CBFA2T2: variants seen among roughly 807,000 people sequenced by gnomAD.
The protein encoded by CBFA2T2 is protein CBFA2T2.
In CBFA2T2, 11 loss-of-function variants were observed where a neutral mutation model predicts 62.2. The ratio of observed to expected loss-of-function variants is 0.18; its 90% CI spans 0.11 to 0.29. CBFA2T2 has a LOEUF of 0.29. CBFA2T2 is among the 10% of genes least tolerant of loss of function. The probability of loss-of-function intolerance (pLI) is 1.00; values close to 1 mark genes in which losing one functional copy is unlikely to be tolerated. For synonymous variants in CBFA2T2, 295 were observed against 287.5 expected (o/e 1.03, Z -0.27); for missense variants, 592 against 774.1 (o/e 0.76, Z 2.79).
intron 1 of CBFA2T2, among the ~76,000 whole-genome samples, chr20:33,497,600 A>G (rs984021763): frequency 5.6e-5 from 8 of 141,786 alleles, no homozygotes; most frequent in African/African-American, 2.1e-4. Context: ...GCTAGGCTAC[A>G]GTGCGGTAGT....
At chr20:33,562,746 T>C in intron 1 of CBFA2T2, 1 of 854,030 alleles carries the variant, frequency 1.2e-6, no homozygotes, top group Non-Finnish European at 1.4e-6. Flanking sequence ...TTTTACTTCT[T>C]TCAAATTACG....
intron 1 of CBFA2T2, among the ~76,000 whole-genome samples, chr20:33,594,705 G>T (rs1410732738): frequency 6.6e-6 from 1 of 152,194 alleles, no homozygotes; most frequent in Non-Finnish European, 1.5e-5. Context: ...TGGCCAAGAA[G>T]ACTAAAGTTA....
At chr20:33,542,797 G>T (rs1420202190) in intron 1 of CBFA2T2, among the ~76,000 whole-genome samples, 1 of 151,848 alleles carries the variant, frequency 6.6e-6, no homozygotes, top group African/African-American at 2.4e-5. Flanking sequence ...TCAACCTCCC[G>T]GGAAGCTGGG....
chr20:33,634,940 T>G (rs2016585032), intron 8 of CBFA2T2, among the ~76,000 whole-genome samples: 1 of 152,160 alleles, frequency 6.6e-6, no homozygotes, highest in Admixed American at 6.5e-5. Context: ...CTACCAATAA[T>G]GTAGCATTGT....
At chr20:33,504,187 C>T (rs946946959) in intron 1 of CBFA2T2, among the ~76,000 whole-genome samples, 5 of 152,022 alleles carry the variant, frequency 3.3e-5, no homozygotes, top group African/African-American at 9.7e-5. Flanking sequence ...GATTCATCCA[C>T]GTTGTGTCAT....
At chr20:33,626,182 A>G (rs867745444) in intron 6 of CBFA2T2, among the ~76,000 whole-genome samples, 3 of 152,214 alleles carry the variant, frequency 2.0e-5, no homozygotes, top group Non-Finnish European at 4.4e-5. Context: ...CAAGACTGCA[A>G]TGAGCCATGA....
At chr20:33,643,235 C>T (rs1207999572) in intron 10 of CBFA2T2, among the ~76,000 whole-genome samples, 1 of 152,160 alleles carries the variant, frequency 6.6e-6, no homozygotes, top group Non-Finnish European at 1.5e-5. Context: ...AGGAGTCAGT[C>T]TCCATCTCTG....
intron 8 of CBFA2T2, among the ~76,000 whole-genome samples, chr20:33,634,157 C>T (rs1054085038): frequency 6.6e-6 from 1 of 152,064 alleles, no homozygotes; most frequent in African/African-American, 2.4e-5. Context: ...TTAGTAAAGA[C>T]GGGGTTTCAC....
intron 1 of CBFA2T2, among the ~76,000 whole-genome samples, chr20:33,492,728 C>T (rs531779366): frequency 6.6e-6 from 1 of 152,116 alleles, no homozygotes; most frequent in East Asian, 1.9e-4. Flanking sequence ...CCATGCTAGT[C>T]CGGAAGTCCT....
intron 1 of CBFA2T2, among the ~76,000 whole-genome samples, chr20:33,523,931 G>C (rs536954311): frequency 6.6e-6 from 1 of 152,042 alleles, no homozygotes; most frequent in Non-Finnish European, 1.5e-5. Context: ...TGATCCGCCC[G>C]CCTCGGCCTC....
intron 1 of CBFA2T2, among the ~76,000 whole-genome samples, chr20:33,560,487 G>A (rs2013044209): frequency 1.3e-5 from 2 of 152,124 alleles, no homozygotes; most frequent in African/African-American, 2.4e-5. Flanking sequence ...AGCAATGCAG[G>A]GAACTAGAAT....
intron 1 of CBFA2T2, among the ~76,000 whole-genome samples, chr20:33,548,104 G>A (rs1161128310): frequency 6.6e-6 from 1 of 151,690 alleles, no homozygotes; most frequent in African/African-American, 2.4e-5. Flanking sequence ...AATAATTCCA[G>A]TATATAAAGT....
chr20:33,639,969 C>T (rs888726524), intron 9 of CBFA2T2, among the ~76,000 whole-genome samples: 1 of 152,226 alleles, frequency 6.6e-6, no homozygotes, highest in Non-Finnish European at 1.5e-5. Flanking sequence ...TCTACCATCT[C>T]AAGCAAAACA....
At chr20:33,507,493 G>T (rs549796377) in intron 1 of CBFA2T2, among the ~76,000 whole-genome samples, 4 of 152,172 alleles carry the variant, frequency 2.6e-5, no homozygotes, top group African/African-American at 9.7e-5. Flanking sequence ...GACTGGCTAT[G>T]TATTTAGCTA....
At chr20:33,519,497 G>C (rs528765389) in intron 1 of CBFA2T2, among the ~76,000 whole-genome samples, 1 of 152,216 alleles carries the variant, frequency 6.6e-6, no homozygotes, top group Admixed American at 6.5e-5. Flanking sequence ...TTTAAATAAA[G>C]AGTATTAGAG....
chr20:33,490,307 TG>T lies in CBFA2T2; in HGVS notation c.34+10del. On this transcript the variant is annotated splice_region_variant and intron_variant, in intron 1 of 10. Transcript: ENST00000342704. ...TGGAGCGGCCGCCTTCCAGCGTAAGTGGGGCGTGAATGCGGGCGGCCGAGGG... is the reference window on the plus strand; with the variant it reads ...TGGAGCGGCCGCCTTCCAGCGTAAGTGGGCGTGAATGCGGGCGGCCGAGGG... 7.8e-7 allele frequency: 1 copy of T among 1,282,248 alleles called. No individual in the cohort carries two copies. The highest frequency in any genetic ancestry group is 3.6e-5 in the Admixed American group (1 of 28,116). The allele number at this position is 1,282,248 out of a possible 1,614,324, so 79.4% of individuals were successfully genotyped here.
In CBFA2T2 at chr20:33,511,499, CT is replaced by C. The variant is rs200418074; in HGVS notation, c.34+21199del. Among the ~76,000 whole-genome samples the C allele has an allele frequency of 5.4e-4, 82 of 152,186 alleles. 2 individuals are homozygous for C. In the East Asian group the frequency reaches 0.012, roughly 22 times the overall value. On this transcript the variant is annotated intron_variant, in intron 1 of 10. Coordinates refer to ENST00000342704, the MANE Select transcript of CBFA2T2 (RefSeq NM_001032999.3). Reference sequence around the variant, plus strand: ...TGTTCTGTTCCATTAGTTTATATATCTGTTTTGGTACCAGTACCATGCTATT... The same window carrying C: ...TGTTCTGTTCCATTAGTTTATATATCGTTTTGGTACCAGTACCATGCTATT...
At chr20:33,625,829 G>A (rs1291645772) in intron 6 of CBFA2T2, among the ~76,000 whole-genome samples, 2 of 151,500 alleles carry the variant, frequency 1.3e-5, no homozygotes, top group African/African-American at 2.4e-5. Flanking sequence ...GGGGCTGGGC[G>A]TGGTGGCTCA....
intron 1 of CBFA2T2, among the ~76,000 whole-genome samples, chr20:33,538,076 A>G (rs550006652): frequency 6.6e-6 from 1 of 151,600 alleles, no homozygotes; most frequent in African/African-American, 2.4e-5. Flanking sequence ...TGACGTCTTA[A>G]CAGTTTAGGA....
Sources: allele counts gnomAD v4.1 joint callset (sites outside exome capture counted in the v4.1 genomes callset), GRCh38; gene constraint gnomAD v4.1.1; transcripts MANE v1.5; gene names NCBI Gene and HGNC (gene_info 2026-07-23, HGNC 2026-07-21).